Variants in CFAP46 observed in about 807,000 individuals in gnomAD.
The protein encoded by CFAP46 is cilia and flagella associated protein 46.
In CFAP46, 245 loss-of-function variants were observed where a neutral mutation model predicts 325.7. The ratio of observed to expected loss-of-function variants is 0.75; its 90% confidence interval spans 0.68 to 0.84. The LOEUF (loss-of-function observed/expected upper bound fraction) is 0.84. Ranked by LOEUF, CFAP46 falls within the 40% of genes least tolerant of loss-of-function variation. The pLI is 0.00. For synonymous variants in CFAP46, 1,523 were observed against 1,495.9 expected, an observed-to-expected ratio of 1.02 and a Z score of -0.42; for missense variants, 3,346 against 3,543.0, an observed-to-expected ratio of 0.94 and a Z score of 1.41.
At chr10:132,912,251 T>C (rs1427454292) in intron 19 of CFAP46, among the ~76,000 whole-genome samples, 1 of 134,130 alleles carries the variant, frequency 7.5e-6, no homozygotes, top group African/African-American at 2.8e-5. Context: ...CTTTCCTCTC[T>C]CTCTCTTCCC....
rs550700179 is a variant in CFAP46 at position 132,885,120 on chromosome 10, C to A, written c.3610G>T (p.Ala1204Ser). Reference sequence around the variant, plus strand: ...CTTCACACCTGCAAGGCCTGGATGGCGTTGTTGTAGCAGGCCAGCTCTCCA... The same window carrying A: ...CTTCACACCTGCAAGGCCTGGATGGAGTTGTTGTAGCAGGCCAGCTCTCCA... The part of the protein sequence containing the change: ...VSGELACYNN[A>S]IQALQKPEME... Residue 1204 changes from alanine to serine, a missense_variant, in exon 27 of 58, where the codon GCC (alanine) becomes TCC (serine). Ala to Ser is a moderately conservative substitution (Grantham distance 99). Coordinates refer to ENST00000368586, the MANE Select transcript of CFAP46 (RefSeq NM_001200049.3). The A allele has an allele frequency of 6.5e-7, 1 of 1,548,162 alleles. No individual in the cohort carries two copies.
chr10:132,850,068 C>T (rs1848510494), intron 41 of CFAP46, among the ~76,000 whole-genome samples, 176 bp downstream of exon 41: 1 of 152,228 alleles, frequency 6.6e-6, no homozygotes, highest in Non-Finnish European at 1.5e-5. Context: ...CAGGTCTGTT[C>T]CGGAAGGCCT....
At chr10:132,866,929 C>A (rs753160819) in intron 34 of CFAP46, among the ~76,000 whole-genome samples, 4 of 152,220 alleles carry the variant, frequency 2.6e-5, no homozygotes, top group African/African-American at 9.7e-5. Context: ...GACCTCCAGG[C>A]GGAGCTCCCT....
In CFAP46 at chr10:132,869,405, G is replaced by A. The variant is rs1240628431; in HGVS notation, c.4512-33C>T. 6.1e-6 allele frequency: 9 copies of A among 1,480,706 alleles called. No individual in the cohort carries two copies. The highest frequency in any genetic ancestry group is 2.5e-5 in the South Asian group (2 of 79,124). The allele number at this position is 1,480,706 out of a possible 1,614,324, so 91.7% of individuals were successfully genotyped here. A position where few individuals can be genotyped will look rare whatever the true frequency, so the allele number is the denominator to read the frequency against. ...GAGTGTGGCCGAAAGAGTCAGTGTT[G>A]CACGGGCGCAGAGGGAGCCAGAAAC... is the stretch of plus-strand genomic sequence containing the variant. On this transcript the variant is annotated intron_variant, in intron 32 of 57. Coordinates refer to ENST00000368586, the MANE Select transcript of CFAP46 (RefSeq NM_001200049.3). The surrounding 1 kb of genome is among the most constrained non-coding windows in gnomAD (Gnocchi z 6.2).
Position 132,929,722 on chromosome 10 carries a change from T to C in CFAP46, c.949A>G (p.Lys317Glu). The C allele has an allele frequency of 6.2e-7, 1 of 1,613,870 alleles. No individual in the cohort carries two copies. Among genetic ancestry groups the C allele is most frequent in the East Asian group, 2.2e-5 (1 of 44,856 alleles). The change falls in exon 9 of 58, where the codon AAG (lysine) becomes GAG (glutamate). Residue 317 changes from lysine (K) to glutamate (E), a missense_variant. Physicochemically the swap from Lys to Glu is moderately conservative, Grantham distance 56. Transcript: ENST00000368586. ...CCACTTACTTTGCTTTCCATCTTCT[T>C]CAGGTCTGAGAGGCAGGCAGAGGAG... ...EISSACLSDL[K>E]KMESKDPGKL...
rs772067231 is a variant in CFAP46, at chr10:132,847,183, G to A, written c.6087+4C>T. 116 of 1,610,104 alleles carry A rather than the reference G, an allele frequency of 7.2e-5. No individual in the cohort carries two copies. The highest frequency in any genetic ancestry group is 9.1e-5 in the Non-Finnish European group (107 of 1,178,960). On this transcript the variant is annotated splice_donor_region_variant and intron_variant, in intron 42 of 57. Coordinates refer to ENST00000368586, the MANE Select transcript of CFAP46 (RefSeq NM_001200049.3). This position sits in a 1 kb window ranked among gnomAD's most constrained non-coding sequence, Gnocchi z 5.2. ...CACACGAGGGGCAGGAGGGGCAGCC[G>A]CACCTTCAGGTCCTCGCCTCTCCTG... is the stretch of plus-strand genomic sequence containing the variant.
chr10:132,857,728 A>G lies in CFAP46; in HGVS notation c.5436T>C (p.Tyr1812=), dbSNP rs964557730. Residue 1812 remains tyrosine, a synonymous_variant, in exon 39 of 58, where the codon TAT becomes TAC. Coordinates refer to ENST00000368586, the MANE Select transcript of CFAP46 (RefSeq NM_001200049.3). ...CAGCTACGGCACCCTGGGCCAGGCC[A>G]TACGCTTCCAAGTAATACGCAGTTT... ...EQKTAYYLEA[Y]GLAQGAVAEE... The G allele has an allele frequency of 5.6e-6, 9 of 1,608,358 alleles. No homozygotes were observed. Among genetic ancestry groups the G allele is most frequent in the Non-Finnish European group, 7.6e-6 (9 of 1,177,594 alleles).
chr10:132,901,728 T>G (rs1849394257), intron 22 of CFAP46, among the ~76,000 whole-genome samples: 1 of 152,228 alleles, frequency 6.6e-6, no homozygotes, highest in African/African-American at 2.4e-5. Flanking sequence ...TTACCATTTT[T>G]GGTGTTTTTC....
chr10:132,912,604 CCTCTCTCTCT>C (rs59827475), intron 19 of CFAP46, 41 bp downstream of exon 19: 311,230 of 1,310,494 alleles, frequency 0.24, 36,518 homozygotes, highest in Non-Finnish European at 0.26. Flanking sequence ...TCTCCTCTCT[CCTCTCTCTCT>C]CTCTCTCTCT....
rs111846056 is a variant in CFAP46 at position 132,929,668 on chromosome 10, C to T, written c.966+37G>A. ...TTGTCCAACTGCACGGTGAGCAGCGCCTCATCCCCAGGCAGCAGTGTCATG... is the reference window on the plus strand; with the variant it reads ...TTGTCCAACTGCACGGTGAGCAGCGTCTCATCCCCAGGCAGCAGTGTCATG... On this transcript the variant is annotated intron_variant, in intron 9 of 57. Transcript: ENST00000368586. 205 of 1,573,006 alleles carry T rather than the reference C, an allele frequency of 1.3e-4. No individual in the cohort carries two copies. In the African/African-American group the frequency reaches 2.3e-3, roughly 17 times the overall value.
In CFAP46 at chr10:132,919,505, A is replaced by ATTCT; in HGVS notation, c.1731-64_1731-63insAGAA. The ATTCT allele has an allele frequency of 6.7e-7, 1 of 1,502,060 alleles. No homozygotes were observed. Among genetic ancestry groups the ATTCT allele is most frequent in the Middle Eastern group, 1.7e-4 (1 of 5,744 alleles). 93.0% of individuals were successfully genotyped at this position (1,502,060 alleles called of 1,614,324 possible). A position where few individuals can be genotyped will look rare whatever the true frequency, so the allele number is the denominator to read the frequency against. On this transcript the variant is annotated intron_variant, in intron 14 of 57. Coordinates refer to ENST00000368586, the MANE Select transcript of CFAP46 (RefSeq NM_001200049.3). The surrounding 1 kb of genome is among the most constrained non-coding windows in gnomAD (Gnocchi z 9.7). ...GACAAGTGTGGTTGCTGAAGTTAGA[A>ATTCT]AACACCTGGGCTGGCTGCCTGAGAA...
chr10:132,931,275 C>T (rs1374104591), intron 8 of CFAP46, among the ~76,000 whole-genome samples: 1 of 106,944 alleles, frequency 9.4e-6, no homozygotes, highest in Non-Finnish European at 1.9e-5. Flanking sequence ...TGGGCCTTCC[C>T]CACACTCCCC....
At position 132,880,932 on chromosome 10, in the gene CFAP46, C is replaced by A; in HGVS notation, c.3728G>T (p.Arg1243Leu). 2.6e-6 allele frequency: 4 copies of A among 1,550,362 alleles called. No individual in the cohort carries two copies. The highest frequency in any genetic ancestry group is 2.4e-5 in the East Asian group (1 of 40,914). ...GGCCAGCAGGATCTCGACAGCCCAG[C>A]GGAGGTGGAAGACCACGTCCTCGAG... is the stretch of plus-strand genomic sequence containing the variant. ...FPLEDVVFHL[R>L]WAVEILLAMK... is the part of the protein sequence containing the mutation. The change falls in exon 28 of 58, where the codon CGC becomes CTC. Residue 1243 changes from arginine to leucine, a missense_variant. By Grantham distance (102) the Arg-to-Leu change is moderately radical. Transcript: ENST00000368586.
chr10:132,929,276 C>T, intron 9 of CFAP46: 1 of 586,344 alleles, frequency 1.7e-6, no homozygotes, highest in Non-Finnish European at 3.0e-6. Context: ...TGTGGCCTCT[C>T]CCTCAGAATA....
At chr10:132,875,179 T>C (rs1232454762) in intron 31 of CFAP46, among the ~76,000 whole-genome samples, 1 of 152,012 alleles carries the variant, frequency 6.6e-6, no homozygotes, top group Non-Finnish European at 1.5e-5. Context: ...TACACAGAAA[T>C]AAATCTGACA....
At chr10:132,935,111 A>G (rs1849971860) in intron 7 of CFAP46, among the ~76,000 whole-genome samples, 1 of 152,120 alleles carries the variant, frequency 6.6e-6, no homozygotes, top group Non-Finnish European at 1.5e-5. Flanking sequence ...ACCCCTCGCC[A>G]GAGTCAGCAC....
At chr10:132,941,124 C>T (rs1271484360) in intron 3 of CFAP46, 64 bp from the exon 4 acceptor site, 10 of 1,533,616 alleles carry the variant, frequency 6.5e-6, no homozygotes, top group Middle Eastern at 1.7e-4. Flanking sequence ...GCCCCATCTG[C>T]GGATGCCACG....
At chr10:132,851,420 G>T in intron 39 of CFAP46, 115 bp from the exon 40 acceptor site, 1 of 958,020 alleles carries the variant, frequency 1.0e-6, no homozygotes, top group Non-Finnish European at 1.5e-6. Flanking sequence ...AAACTGCGCA[G>T]ATCTACAGTG....
Position 132,859,006 on chromosome 10 carries a change from C to T in CFAP46, c.5375+65G>A, listed in dbSNP as rs559415157. 13 of 1,476,550 alleles carry T rather than the reference C, an allele frequency of 8.8e-6. No homozygotes were observed. The East Asian group carries it at 2.7e-4, about 31-fold the overall frequency. The allele number at this position is 1,476,550 out of a possible 1,614,324, so 91.5% of individuals were successfully genotyped here. ...GAGCCAGGCCCAGAAGGCAGGATGG[C>T]GCTGGGCGTGTTGTGTGTAAGAGAA... On this transcript the variant is annotated intron_variant, in intron 38 of 57. Coordinates refer to ENST00000368586, the MANE Select transcript of CFAP46 (RefSeq NM_001200049.3).
Sources: allele counts gnomAD v4.1 joint callset (sites outside exome capture counted in the v4.1 genomes callset), GRCh38; gene constraint gnomAD v4.1.1; non-coding constraint Gnocchi (gnomAD v3.1); transcripts MANE v1.5; gene names NCBI Gene and HGNC (gene_info 2026-07-23, HGNC 2026-07-21).